FGR: variants seen among roughly 807,000 people sequenced by gnomAD.
FGR encodes tyrosine-protein kinase Fgr.
In FGR, 26 loss-of-function variants were observed where a neutral mutation model predicts 63.2. That is an observed-to-expected ratio of 0.41 (90% CI 0.30 to 0.57). The LOEUF (loss-of-function observed/expected upper bound fraction) is 0.57, where lower values mean the gene tolerates loss of function less well. Ranked by LOEUF, FGR falls within the 20% of genes least tolerant of loss-of-function variation. FGR has a pLI of 0.27. For missense variants in FGR, 511 were observed against 690.8 expected (o/e 0.74, Z 2.92); for synonymous variants, 286 against 277.7 (o/e 1.03, Z -0.30).
rs1010061323 is a variant in FGR, at chr1:27,612,732, G to C, written c.*182C>G. 2 of 603,960 alleles carry C rather than the reference G, an allele frequency of 3.3e-6. No homozygotes were observed. The highest frequency in any genetic ancestry group is 3.7e-5 in the African/African-American group (2 of 53,898). 37.4% of individuals were successfully genotyped at this position (603,960 alleles called of 1,614,324 possible). On this transcript the variant is annotated 3_prime_UTR_variant, in exon 13 of 13. Transcript: ENST00000374005. Reference sequence around the variant, plus strand: ...CAGAGCGGATGAGAGATCAGCTCTGGGCCTCCTTTTGCCCCATCTGTAAAA... The same window carrying C: ...CAGAGCGGATGAGAGATCAGCTCTGCGCCTCCTTTTGCCCCATCTGTAAAA...
chr1:27,624,660 T>C (rs1405311241), intron 2 of FGR, among the ~76,000 whole-genome samples: 2 of 152,140 alleles, frequency 1.3e-5, no homozygotes, highest in East Asian at 1.9e-4. Context: ...GCTGCATGTG[T>C]ATATGTCTGT....
chr1:27,623,698 A>G lies in FGR; in HGVS notation c.219T>C (p.Gly73=). 5 of 1,613,940 alleles carry G rather than the reference A, an allele frequency of 3.1e-6. No individual in the cohort carries two copies. The highest frequency in any genetic ancestry group is 4.2e-6 in the Non-Finnish European group (5 of 1,179,958). Reference sequence around the variant, plus strand: ...CCGACCCCTTGGACTCACCTGACACACCCCTGATGGTGCCACTATCAAGGA... The same window carrying G: ...CCGACCCCTTGGACTCACCTGACACGCCCCTGATGGTGCCACTATCAAGGA... ...PGFLDSGTIR[G]VSGIGVTLFI... Residue 73 remains glycine, a synonymous_variant, in exon 3 of 13, where the codon GGT becomes GGC. Coordinates refer to ENST00000374005, the MANE Select transcript of FGR (RefSeq NM_005248.3).
intron 1 of FGR, among the ~76,000 whole-genome samples, chr1:27,631,208 C>T (rs891177736): frequency 2.0e-5 from 3 of 152,198 alleles, no homozygotes; most frequent in African/African-American, 7.2e-5. Context: ...CTGTGTTCTC[C>T]AAAGCCTGAG....
chr1:27,629,757 T>G (rs1472902881), intron 1 of FGR, among the ~76,000 whole-genome samples: 1 of 152,324 alleles, frequency 6.6e-6, no homozygotes, highest in Middle Eastern at 3.4e-3. Context: ...CATGGTCTTA[T>G]TTGGTGAACC....
At position 27,615,895 on chromosome 1, in the gene FGR, T is replaced by C. The variant is rs1027753407; in HGVS notation, c.683-51A>G. ...TCACAGGTGGGCCAGGACACCCCCCTCCACTCCTTATCCTATCCCAGCCTG... is the reference window on the plus strand; with the variant it reads ...TCACAGGTGGGCCAGGACACCCCCCCCCACTCCTTATCCTATCCCAGCCTG... On this transcript the variant is annotated intron_variant, in intron 7 of 12. Transcript: ENST00000374005. This position sits in a 1 kb window ranked among gnomAD's most constrained non-coding sequence, Gnocchi z 7.6. 4.7e-6 allele frequency: 7 copies of C among 1,502,880 alleles called. No individual in the cohort carries two copies. Among genetic ancestry groups the C allele is most frequent in the South Asian group, 1.3e-5 (1 of 78,002 alleles). The allele number at this position is 1,502,880 out of a possible 1,614,324, so 93.1% of individuals were successfully genotyped here.
intron 4 of FGR, among the ~76,000 whole-genome samples, chr1:27,622,548 T>C (rs1394296663): frequency 1.3e-5 from 2 of 152,026 alleles, no homozygotes; most frequent in Non-Finnish European, 2.9e-5. Flanking sequence ...CTCTGTTGCC[T>C]AGGCTGGAGT....
Position 27,621,627 on chromosome 1 carries a change from G to T in FGR, c.360C>A (p.Leu120=). ...TEGDWWEARS[L]SSGKTGCIPS... ...GAATGCAGCCAGTTTTTCCGGAGCT[G>T]AGAGACCGAGCCTCCCACCAGTCAC... The change falls in exon 5 of 13, where the codon CTC becomes CTA. Residue 120 remains leucine (L), a synonymous_variant. Coordinates refer to ENST00000374005, the MANE Select transcript of FGR (RefSeq NM_005248.3). The T allele has an allele frequency of 6.2e-7, 1 of 1,613,912 alleles. No homozygotes were observed. Among genetic ancestry groups the T allele is most frequent in the East Asian group, 2.2e-5 (1 of 44,876 alleles).
At chr1:27,614,397 G>A (rs748767733) in intron 11 of FGR, 33 bp downstream of exon 11, 1 of 1,599,840 alleles carries the variant, frequency 6.3e-7, no homozygotes, top group Non-Finnish European at 8.5e-7. Context: ...TGTTGCATGG[G>A]GAGCTCTTGG....
At chr1:27,632,115 C>G (rs1404581072) in intron 1 of FGR, among the ~76,000 whole-genome samples, 1 of 149,532 alleles carries the variant, frequency 6.7e-6, no homozygotes, top group African/African-American at 2.5e-5. Context: ...TTCTTTCTTT[C>G]TTTGTTCTTC....
chr1:27,615,000 G>T, intron 9 of FGR, 74 bp from the exon 10 acceptor site: 1 of 1,001,122 alleles, frequency 1.0e-6, no homozygotes, highest in Non-Finnish European at 1.4e-6. Flanking sequence ...GCTTGACCCC[G>T]CCCCTCAGCC....
chr1:27,619,056 G>A (rs979152237), intron 5 of FGR, among the ~76,000 whole-genome samples: 12 of 152,166 alleles, frequency 7.9e-5, no homozygotes, highest in Admixed American at 4.6e-4. Context: ...ACTTGGCCTG[G>A]TCTGGATTTC....
intron 2 of FGR, 93 bp from the exon 3 acceptor site, chr1:27,624,022 G>T: frequency 3.6e-6 from 4 of 1,117,734 alleles, no homozygotes; most frequent in South Asian, 3.2e-5. Flanking sequence ...GCTCATACAG[G>T]CACGTGGCTT....
chr1:27,634,002 A>T (rs1442895318), intron 1 of FGR, among the ~76,000 whole-genome samples: 1 of 152,188 alleles, frequency 6.6e-6, no homozygotes, highest in East Asian at 1.9e-4. Context: ...CAGTCTTGCT[A>T]AGAACCCAGG....
chr1:27,620,189 C>CA (rs2089895089), intron 5 of FGR, among the ~76,000 whole-genome samples: 1 of 151,976 alleles, frequency 6.6e-6, no homozygotes, highest in African/African-American at 2.4e-5. Flanking sequence ...TGGTGGCGTG[C>CA]ACCTGTAGTC....
At chr1:27,622,880 C>T (rs562156429) in intron 4 of FGR, among the ~76,000 whole-genome samples, 162 bp downstream of exon 4, 50 of 152,334 alleles carry the variant, frequency 3.3e-4, no homozygotes, top group South Asian at 1.0e-3. Flanking sequence ...ACACCACCCC[C>T]CTCAACCAGC....
In FGR at chr1:27,616,310, C is replaced by A. The variant is rs1312227263; in HGVS notation, c.683-466G>T. Among the ~76,000 whole-genome samples the A allele has an allele frequency of 6.6e-6, 1 of 152,340 alleles. No individual in the cohort carries two copies. The highest frequency in any genetic ancestry group is 2.4e-5 in the African/African-American group (1 of 41,572). On this transcript the variant is annotated intron_variant, in intron 7 of 12. Transcript: ENST00000374005. The surrounding 1 kb of genome is among the most constrained non-coding windows in gnomAD (Gnocchi z 4.3). The stretch of plus-strand genomic sequence containing the variant: ...TCTCCACCAAGTCAGGCCTATTCTG[C>A]CTCCTACCCAGCTTCAGAATCGTCT...
At chr1:27,622,978 G>A (rs2089957795) in intron 4 of FGR, 64 bp downstream of exon 4, 6 of 1,166,104 alleles carry the variant, frequency 5.1e-6, no homozygotes, top group Non-Finnish European at 7.8e-6. Context: ...GACCAGGTGG[G>A]ATTCCTGTCT....
chr1:27,628,271 C>A (rs1424234524), intron 1 of FGR, among the ~76,000 whole-genome samples: 1 of 151,774 alleles, frequency 6.6e-6, no homozygotes, highest in Admixed American at 6.6e-5. Context: ...CCACTCAAGA[C>A]CAGGAGATAG....
chr1:27,615,381 C>G lies in FGR; in HGVS notation c.1018+53G>C, dbSNP rs1369583399. 1 of 1,560,428 alleles carries G rather than the reference C, an allele frequency of 6.4e-7. No individual in the cohort carries two copies. Among genetic ancestry groups the G allele is most frequent in the African/African-American group, 1.4e-5 (1 of 74,038 alleles). ...GCGTCCCAGGTCCCACGCCTGAAAACTCCCCTCTTAACTTCACCCCGAATC... is the reference window on the plus strand; with the variant it reads ...GCGTCCCAGGTCCCACGCCTGAAAAGTCCCCTCTTAACTTCACCCCGAATC... On this transcript the variant is annotated intron_variant, in intron 9 of 12. Transcript: ENST00000374005. The surrounding 1 kb of genome is among the most constrained non-coding windows in gnomAD (Gnocchi z 7.6).
Sources: allele counts gnomAD v4.1 joint callset (sites outside exome capture counted in the v4.1 genomes callset), GRCh38; gene constraint gnomAD v4.1.1; non-coding constraint Gnocchi (gnomAD v3.1); transcripts MANE v1.5; gene names NCBI Gene and HGNC (gene_info 2026-07-23, HGNC 2026-07-21).